ENDOV: variants seen among roughly 807,000 people sequenced by gnomAD.
The protein encoded by ENDOV is endonuclease V, also known as hEndoV.
In ENDOV, 37 loss-of-function variants were observed where a neutral mutation model predicts 39.4. The ratio of observed to expected loss-of-function variants is 0.94; its 90% CI spans 0.72 to 1.23. The LOEUF (loss-of-function observed/expected upper bound fraction) is 1.23, where lower values mean the gene tolerates loss of function less well. ENDOV is among the 50% of genes most tolerant of loss of function. The pLI is 0.00. For missense variants in ENDOV, 441 were observed against 375.7 expected (o/e 1.17, Z -1.44); for synonymous variants, 186 against 163.4 (o/e 1.14, Z -1.05).
rs971180578 is a variant in ENDOV, at chr17:80,426,241, G to A, written c.714+621G>A. Among the ~76,000 whole-genome samples, 3 of 152,226 alleles carry A rather than the reference G, an allele frequency of 2.0e-5. No individual in the cohort carries two copies. The East Asian group carries it at 5.8e-4, about 29-fold the overall frequency. On this transcript the variant is annotated intron_variant, in intron 7 of 9. Coordinates refer to ENST00000518137, the MANE Select transcript of ENDOV (RefSeq NM_173627.5). ...GACCAGGGGACCACAAGACACGGGT[G>A]GATGCTGTCCCAGAGAAGCCCACAG...
intron 8 of ENDOV, among the ~76,000 whole-genome samples, chr17:80,428,892 G>A (rs1036358071): frequency 1.3e-5 from 2 of 152,214 alleles, no homozygotes; most frequent in African/African-American, 4.8e-5. Flanking sequence ...TCCACGCAAA[G>A]CCCTGGAACT....
At chr17:80,425,349 A>C in intron 6 of ENDOV, 143 bp from the exon 7 acceptor site, 1 of 1,265,366 alleles carries the variant, frequency 7.9e-7, no homozygotes, top group South Asian at 1.5e-5. Flanking sequence ...GAGGGTGGGC[A>C]GGCCCTGGCC....
chr17:80,426,044 G>T (rs927986215), intron 7 of ENDOV, among the ~76,000 whole-genome samples: 1 of 152,184 alleles, frequency 6.6e-6, no homozygotes, highest in Non-Finnish European at 1.5e-5. Context: ...CCCCAGAGAC[G>T]CCAGTCTGGG....
rs113159665 is a variant in ENDOV at position 80,425,793 on chromosome 17, C to T, written c.714+173C>T. On this transcript the variant is annotated intron_variant, in intron 7 of 9. Transcript: ENST00000518137. ...TTGCTGGAGAGCTTGCTGGGCCCTG[C>T]AGTCAGGACAGTAGACTGGGGGGTG... is the stretch of plus-strand genomic sequence containing the variant. 2.0e-5 allele frequency among the ~76,000 whole-genome samples: 3 copies of T among 152,284 alleles called. 1 individual carries two copies. Among genetic ancestry groups the T allele is most frequent in the African/African-American group, 7.2e-5 (3 of 41,550 alleles).
Position 80,422,228 on chromosome 17 carries a change from G to T in ENDOV, c.386G>T (p.Gly129Val). Residue 129 changes from glycine (G) to valine (V), a missense_variant, in exon 4 of 10, where the codon GGG becomes GTG. Coordinates refer to ENST00000518137, the MANE Select transcript of ENDOV (RefSeq NM_173627.5). ...MPQVLLVDGNGVLHHRGFGVA... is the reference protein window; with the variant it reads ...MPQVLLVDGNVVLHHRGFGVA... ...TAGGTCCTTCTTGTGGATGGAAACGGGGTACTCCACCACCGAGGTAATCCT... is the reference window on the plus strand; with the variant it reads ...TAGGTCCTTCTTGTGGATGGAAACGTGGTACTCCACCACCGAGGTAATCCT... The T allele has an allele frequency of 6.2e-7, 1 of 1,613,782 alleles. No individual in the cohort carries two copies. Among genetic ancestry groups the T allele is most frequent in the Non-Finnish European group, 8.5e-7 (1 of 1,179,838 alleles).
At chr17:80,415,563 GGC>G (rs1179524539) in intron 1 of ENDOV, 85 bp from the exon 2 acceptor site, 1 of 1,477,952 alleles carries the variant, frequency 6.8e-7, no homozygotes, top group Non-Finnish European at 9.2e-7. Context: ...ACCCGGCAGA[GGC>G]GCTCTGTCCG....
At chr17:80,427,807 T>A (rs956004643) in intron 7 of ENDOV, 9 of 1,288,574 alleles carry the variant, frequency 7.0e-6, no homozygotes, top group Non-Finnish European at 9.1e-6. Context: ...GGTTGCCAGG[T>A]CCAGGCTCTC....
Position 80,428,492 on chromosome 17 carries a change from G to T in ENDOV, c.715-104G>T, listed in dbSNP as rs183491283. The T allele has an allele frequency of 1.5e-4, 165 of 1,127,684 alleles. 1 individual carries two copies. In the African/African-American group the frequency reaches 2.2e-3, roughly 15 times the overall value. The allele number at this position is 1,127,684 out of a possible 1,614,324, so 69.9% of individuals were successfully genotyped here. A position where few individuals can be genotyped will look rare whatever the true frequency, so the allele number is the denominator to read the frequency against. On this transcript the variant is annotated intron_variant, in intron 7 of 9. Transcript: ENST00000518137. ...GAACTGGCTGTGACCTGTGTGTCCTGAGTGGGCTTCTGTGGGGGATGGAGG... is the reference window on the plus strand; with the variant it reads ...GAACTGGCTGTGACCTGTGTGTCCTTAGTGGGCTTCTGTGGGGGATGGAGG...
chr17:80,427,463 C>G (rs969296014), intron 7 of ENDOV: 1 of 985,364 alleles, frequency 1.0e-6, no homozygotes, highest in South Asian at 4.7e-5. Flanking sequence ...GAGCAAGGAT[C>G]TGTGCCTAGC....
intron 5 of ENDOV, among the ~76,000 whole-genome samples, chr17:80,424,631 C>CT (rs1315336353): frequency 6.6e-6 from 1 of 152,202 alleles, no homozygotes; most frequent in African/African-American, 2.4e-5. Flanking sequence ...GTCCCCTTCC[C>CT]TTTCCTGGCC....
intron 2 of ENDOV, chr17:80,416,055 T>C: frequency 2.3e-6 from 1 of 434,726 alleles, no homozygotes; most frequent in Non-Finnish European, 4.1e-6. Flanking sequence ...CTGACCAACA[T>C]GGAGAAACCC....
intron 2 of ENDOV, chr17:80,420,246 A>G (rs949194412): frequency 6.5e-6 from 1 of 152,768 alleles, no homozygotes; most frequent in Non-Finnish European, 1.5e-5. Flanking sequence ...TGTCACCTGA[A>G]TGATAACATT....
intron 9 of ENDOV, among the ~76,000 whole-genome samples, chr17:80,431,123 C>G (rs528975737): frequency 6.6e-6 from 1 of 152,364 alleles, no homozygotes; most frequent in South Asian, 2.1e-4. Context: ...GGCCGGTGAT[C>G]ATGATTTGAC....
Position 80,415,827 on chromosome 17 carries a change from C to T in ENDOV, c.228+6C>T, listed in dbSNP as rs1345291633. On this transcript the variant is annotated splice_donor_region_variant and intron_variant, in intron 2 of 9. Transcript: ENST00000518137. ...TCAGCTTCCCTGAGCTCGAGGTAAC[C>T]TGGGAGGACGCCGAGCTCGAGGCGG... is the stretch of plus-strand genomic sequence containing the variant. The T allele has an allele frequency of 1.3e-6, 2 of 1,587,732 alleles. No individual in the cohort carries two copies. The highest frequency in any genetic ancestry group is 2.3e-5 in the South Asian group (2 of 87,316).
At position 80,419,130 on chromosome 17, in the gene ENDOV, G is replaced by T. The variant is rs188936619; in HGVS notation, c.229-2698G>T. 3.4e-5 allele frequency among the ~76,000 whole-genome samples: 5 copies of T among 146,420 alleles called. No individual in the cohort carries two copies. The East Asian group carries it at 7.9e-4, about 23-fold the overall frequency. ...GGAGCTTGCAGTGAGCCGAGATCGC[G>T]TCAGTGCACTCCAGCCTGAGCAACA... On this transcript the variant is annotated intron_variant, in intron 2 of 9. Transcript: ENST00000518137.
intron 2 of ENDOV, chr17:80,418,525 T>G (rs1278952263): frequency 2.6e-5 from 4 of 152,254 alleles, no homozygotes; most frequent in Admixed American, 6.5e-5. Context: ...TATTCATTGT[T>G]CCGGCTATGA....
At chr17:80,433,285 T>G (rs2083435257) in intron 9 of ENDOV, 1 of 511,478 alleles carries the variant, frequency 2.0e-6, no homozygotes, top group Non-Finnish European at 3.9e-6. Flanking sequence ...CCAGGTGAAG[T>G]GTGTAAGGGC....
rs1207823796 is a variant in ENDOV, at chr17:80,436,530, TC to T, written c.*389del. 2.4e-6 allele frequency: 1 copy of T among 415,932 alleles called. No individual in the cohort carries two copies. Among genetic ancestry groups the T allele is most frequent in the African/African-American group, 2.1e-5 (1 of 48,146 alleles). The allele number at this position is 415,932 out of a possible 1,614,324, so 25.8% of individuals were successfully genotyped here. A position where few individuals can be genotyped will look rare whatever the true frequency, so the allele number is the denominator to read the frequency against. ...GCTTTTCTGGCCTCTATTGAAAAGA[TC>T]CTGTGTTCTTCTGTGAATATGAGGT... On this transcript the variant is annotated 3_prime_UTR_variant, in exon 10 of 10. Transcript: ENST00000518137.
rs1599453792 is a variant in ENDOV at position 80,429,796 on chromosome 17, T to G, written c.803T>G (p.Val268Gly). 1 of 1,610,992 alleles carries G rather than the reference T, an allele frequency of 6.2e-7. No homozygotes were observed. The highest frequency in any genetic ancestry group is 8.5e-7 in the Non-Finnish European group (1 of 1,179,202). Residue 268 changes from valine (V) to glycine (G), a missense_variant, in exon 9 of 10, where the codon GTG becomes GGG. Coordinates refer to ENST00000518137, the MANE Select transcript of ENDOV (RefSeq NM_173627.5). ...TPRSPKAQRP[V>G]ACPKGDSGES... Reference sequence around the variant, plus strand: ...AGGAGCCCGAAGGCGCAGAGGCCAGTGGCATGCCCCAAAGGAGACTCCGGA... The same window carrying G: ...AGGAGCCCGAAGGCGCAGAGGCCAGGGGCATGCCCCAAAGGAGACTCCGGA...
Sources: gnomAD v4.1 joint callset for allele counts (sites outside exome capture counted in the v4.1 genomes callset) on GRCh38, gnomAD v4.1.1 for gene constraint, MANE v1.5 for transcripts, NCBI Gene and HGNC (gene_info 2026-07-23, HGNC 2026-07-21) for gene names.